The following FKBP8 variants were observed in gnomAD, a reference collection of about 807,000 sequenced individuals.
The protein encoded by FKBP8 is peptidyl-prolyl cis-trans isomerase FKBP8.
Under a neutral mutation model 41.7 loss-of-function variants are expected in FKBP8, and 5 were observed. The observed-to-expected ratio is 0.12, with a 90% CI of 0.06 to 0.25. The LOEUF (loss-of-function observed/expected upper bound fraction) is 0.25, where lower values mean the gene tolerates loss of function less well. FKBP8 is among the 10% of genes least tolerant of loss of function. The pLI is 1.00. For missense variants in FKBP8, 397 were observed against 563.0 expected, an observed-to-expected ratio of 0.71 and a Z score of 2.98; for synonymous variants, 279 against 254.5, an observed-to-expected ratio of 1.10 and a Z score of -0.92.
chr19:18,540,973 C>T (rs8103045), intron 2 of FKBP8, among the ~76,000 whole-genome samples: 26,838 of 151,746 alleles, frequency 0.18, 7,474 homozygotes, highest in African/African-American at 0.59. Flanking sequence ...ACTATTGCTA[C>T]AGTATTGTTA....
Position 18,542,003 on chromosome 19 carries a change from T to C in FKBP8, c.-25-8A>G. On this transcript the variant is annotated splice_region_variant and splice_polypyrimidine_tract_variant and intron_variant, in intron 1 of 8. Transcript: ENST00000608443. The stretch of plus-strand genomic sequence containing the variant: ...GGGGGACAGGAATTGGCCCTGGAAG[T>C]GGGGGGCAGAGATGTGGGTCAGAAT... 9.4e-6 allele frequency: 15 copies of C among 1,603,344 alleles called. No individual in the cohort carries two copies. The highest frequency in any genetic ancestry group is 1.3e-5 in the Non-Finnish European group (15 of 1,174,442).
chr19:18,534,727 G>A (rs1042824152), intron 6 of FKBP8, among the ~76,000 whole-genome samples: 4 of 149,002 alleles, frequency 2.7e-5, no homozygotes, highest in East Asian at 2.0e-4. Context: ...GACTACAGGC[G>A]TGTACTACCA....
Position 18,537,930 on chromosome 19 carries a change from C to T in FKBP8, c.773-157G>A. The T allele has an allele frequency of 1.2e-6, 1 of 814,614 alleles. No homozygotes were observed. The highest frequency in any genetic ancestry group is 1.8e-5 in the South Asian group (1 of 55,874). The allele number at this position is 814,614 out of a possible 1,614,324, so 50.5% of individuals were successfully genotyped here. A position where few individuals can be genotyped will look rare whatever the true frequency, so the allele number is the denominator to read the frequency against. Reference sequence around the variant, plus strand: ...TCCTGGGGCTCTCCTGAGGAAGCTACAAGATGGAGACTTAAGCAAGCGAGG... The same window carrying T: ...TCCTGGGGCTCTCCTGAGGAAGCTATAAGATGGAGACTTAAGCAAGCGAGG... On this transcript the variant is annotated intron_variant, in intron 5 of 8. Transcript: ENST00000608443. The surrounding 1 kb of genome is among the most constrained non-coding windows in gnomAD (Gnocchi z 4.4).
chr19:18,533,160 C>G, intron 7 of FKBP8, 110 bp downstream of exon 7: 1 of 1,062,070 alleles, frequency 9.4e-7, no homozygotes, highest in Non-Finnish European at 1.3e-6. Flanking sequence ...TACTCCGTGC[C>G]ACTGCCCAGG....
chr19:18,539,672 G>A lies in FKBP8; in HGVS notation c.341C>T (p.Ser114Leu), dbSNP rs756695076. Reference sequence around the variant, plus strand: ...CACCTGGCCCTTGACCGGGCGGCTCGAACCTGGCGGCCCTGGGACCAGCGT... The same window carrying A: ...CACCTGGCCCTTGACCGGGCGGCTCAAACCTGGCGGCCCTGGGACCAGCGT... ...KKTLVPGPPGSSRPVKGQVVT... is the reference protein window; with the variant it reads ...KKTLVPGPPGLSRPVKGQVVT... The change falls in exon 3 of 9, where the codon TCG becomes TTG. Residue 114 changes from serine (S) to leucine (L), a missense_variant. Physicochemically the swap from Ser to Leu is moderately radical, Grantham distance 145 (BLOSUM62 -2). Coordinates refer to ENST00000608443, the MANE Select transcript of FKBP8 (RefSeq NM_012181.5). 2.8e-5 allele frequency: 45 copies of A among 1,610,930 alleles called. No individual in the cohort carries two copies. Among genetic ancestry groups the A allele is most frequent in the Non-Finnish European group, 3.5e-5 (41 of 1,180,022 alleles).
intron 4 of FKBP8, among the ~76,000 whole-genome samples, chr19:18,539,032 C>T (rs1236077723): frequency 2.0e-5 from 3 of 151,664 alleles, no homozygotes; most frequent in Non-Finnish European, 4.4e-5. Context: ...GCCAGGATGG[C>T]CTTGATCTCC....
chr19:18,538,383 T>C lies in FKBP8; in HGVS notation c.605A>G (p.Lys202Arg). ...HAALCLEVTL[K>R]TAVDGPDLEM... Reference sequence around the variant, plus strand: ...CAGGTCAGGCCCGTCCACAGCCGTCTTCAGGGTCACCTCCAGGCACAGGGC... The same window carrying C: ...CAGGTCAGGCCCGTCCACAGCCGTCCTCAGGGTCACCTCCAGGCACAGGGC... The change falls in exon 5 of 9, where the codon AAG (lysine) becomes AGG (arginine). Residue 202 changes from lysine to arginine, a missense_variant. Lys to Arg is a conservative substitution (Grantham distance 26). Transcript: ENST00000608443. This position sits in a 1 kb window ranked among gnomAD's most constrained non-coding sequence, Gnocchi z 4.0. 1 of 1,613,590 alleles carries C rather than the reference T, an allele frequency of 6.2e-7. No homozygotes were observed. The highest frequency in any genetic ancestry group is 1.1e-5 in the South Asian group (1 of 91,062).
Position 18,541,944 on chromosome 19 carries a change from C to T in FKBP8, c.27G>A (p.Glu9=), listed in dbSNP as rs201298401. Reference sequence around the variant, plus strand: ...CCCCGGCGGGCAGTGGGGCAGAGGGCTCAGAGGGTTCAGCACACGATGCCA... The same window carrying T: ...CCCCGGCGGGCAGTGGGGCAGAGGGTTCAGAGGGTTCAGCACACGATGCCA... MASCAEPS[E]PSAPLPAGVP... The change falls in exon 2 of 9, where the codon GAG becomes GAA. Residue 9 remains glutamate, a synonymous_variant. Transcript: ENST00000608443. 357 of 1,614,020 alleles carry T rather than the reference C, an allele frequency of 2.2e-4. 6 individuals are homozygous for T. The Admixed American group carries it at 5.9e-3, about 27-fold the overall frequency.
At position 18,533,182 on chromosome 19, in the gene FKBP8, CAG is replaced by C; in HGVS notation, c.1023+86_1023+87del. 12 of 1,293,592 alleles carry C rather than the reference CAG, an allele frequency of 9.3e-6. No individual in the cohort carries two copies. In the South Asian group the frequency reaches 1.8e-4, roughly 19 times the overall value. The allele number at this position is 1,293,592 out of a possible 1,614,324, so 80.1% of individuals were successfully genotyped here. A position where few individuals can be genotyped will look rare whatever the true frequency, so the allele number is the denominator to read the frequency against. The stretch of plus-strand genomic sequence containing the variant: ...TGCCACTGCCCAGGTGGGAACACAA[CAG>C]AGAGCCACAGCAAGAAAGACCTGGG... On this transcript the variant is annotated intron_variant, in intron 7 of 8. Coordinates refer to ENST00000608443, the MANE Select transcript of FKBP8 (RefSeq NM_012181.5).
At chr19:18,535,064 C>T (rs528379139) in intron 6 of FKBP8, among the ~76,000 whole-genome samples, 2 of 152,266 alleles carry the variant, frequency 1.3e-5, no homozygotes, top group African/African-American at 4.8e-5. Flanking sequence ...GTATTACAGG[C>T]ATGAGCCACC....
At chr19:18,539,877 G>A (rs1415091105) in intron 2 of FKBP8, among the ~76,000 whole-genome samples, 157 bp from the exon 3 acceptor site, 2 of 152,218 alleles carry the variant, frequency 1.3e-5, no homozygotes, top group African/African-American at 4.8e-5. Flanking sequence ...TGGCCACTCT[G>A]CCACCAGAGT....
chr19:18,539,484 T>A (rs1159220364), intron 3 of FKBP8, 25 bp from the exon 4 acceptor site: 1 of 1,612,448 alleles, frequency 6.2e-7, no homozygotes, highest in Non-Finnish European at 8.5e-7. Context: ...GATAGCCAGC[T>A]GTCAGGCAGA....
At chr19:18,533,202 G>T (rs1351428165) in intron 7 of FKBP8, 68 bp downstream of exon 7, 2 of 1,401,046 alleles carry the variant, frequency 1.4e-6, no homozygotes, top group African/African-American at 1.4e-5. Flanking sequence ...CAGCAAGAAA[G>T]ACCTGGGGCA....
chr19:18,541,663 C>T lies in FKBP8; in HGVS notation c.292+16G>A. 6.3e-7 allele frequency: 1 copy of T among 1,584,324 alleles called. No homozygotes were observed. Among genetic ancestry groups the T allele is most frequent in the Non-Finnish European group, 8.6e-7 (1 of 1,161,614 alleles). Reference sequence around the variant, plus strand: ...GGCCAGGGCCAAGGGCACCCTGATCCACCTTTGCTCCTTACCCAGAATGTC... The same window carrying T: ...GGCCAGGGCCAAGGGCACCCTGATCTACCTTTGCTCCTTACCCAGAATGTC... On this transcript the variant is annotated intron_variant, in intron 2 of 8. Transcript: ENST00000608443.
chr19:18,542,535 T>C (rs1976729031), intron 1 of FKBP8: 1 of 187,294 alleles, frequency 5.3e-6, no homozygotes, highest in African/African-American at 2.4e-5. Flanking sequence ...CTCCAGCCTC[T>C]TCTCCAAAGG....
In FKBP8 at chr19:18,537,494, A is replaced by G. The variant is rs898494050; in HGVS notation, c.945+107T>C. ...CTCAGTTTCTCCACCTGCACCCCAC[A>G]GAGCTCAGCTGGCTTATATACCTAT... On this transcript the variant is annotated intron_variant, in intron 6 of 8. Coordinates refer to ENST00000608443, the MANE Select transcript of FKBP8 (RefSeq NM_012181.5). The surrounding 1 kb of genome is among the most constrained non-coding windows in gnomAD (Gnocchi z 4.4). The G allele has an allele frequency of 5.5e-6, 6 of 1,084,914 alleles. No homozygotes were observed. The highest frequency in any genetic ancestry group is 7.6e-6 in the Non-Finnish European group (6 of 793,530). 67.2% of individuals were successfully genotyped at this position (1,084,914 alleles called of 1,614,324 possible).
Position 18,541,853 on chromosome 19 carries a change from C to T in FKBP8, c.118G>A (p.Glu40Lys). 11 of 1,613,586 alleles carry T rather than the reference C, an allele frequency of 6.8e-6. No individual in the cohort carries two copies. Among genetic ancestry groups the T allele is most frequent in the Non-Finnish European group, 9.3e-6 (11 of 1,179,760 alleles). Residue 40 changes from glutamate to lysine, a missense_variant, in exon 2 of 9, where the codon GAG becomes AAG. Transcript: ENST00000608443. ...TCATCCTCTTCCTCCTCTTCCTCCT[C>T]CTCTTCCTCCTCACCCTCTGCATCC... ...VEDAEGEEEEEEEEEEEDDLS... is the reference protein window; with the variant it reads ...VEDAEGEEEEKEEEEEEDDLS...
chr19:18,539,688 G>T lies in FKBP8; in HGVS notation c.325C>A (p.Pro109Thr). 1 of 1,609,940 alleles carries T rather than the reference G, an allele frequency of 6.2e-7. No individual in the cohort carries two copies. ...NGLLRKKTLV[P>T]GPPGSSRPVK... The stretch of plus-strand genomic sequence containing the variant: ...GGGCGGCTCGAACCTGGCGGCCCTG[G>T]GACCAGCGTCTTCTTCCTCAACAGC... The change falls in exon 3 of 9, where the codon CCA (proline) becomes ACA (threonine). Residue 109 changes from proline (P) to threonine (T), a missense_variant. This residue lies in a region of FKBP8 where 172 missense variants were observed against 196.2 expected (regional missense o/e 0.88). Transcript: ENST00000608443.
intron 6 of FKBP8, among the ~76,000 whole-genome samples, chr19:18,535,817 G>A (rs192788610): frequency 4.2e-4 from 64 of 151,964 alleles, no homozygotes; most frequent in Non-Finnish European, 7.8e-4. Context: ...GAGAGGAGCC[G>A]GCCCAGGAGG....
Sources: gnomAD v4.1 joint callset for allele counts (sites outside exome capture counted in the v4.1 genomes callset) on GRCh38, gnomAD v4.1.1 for gene constraint, gnomAD v4.1.1 regional missense constraint, Gnocchi (gnomAD v3.1) non-coding constraint, MANE v1.5 for transcripts, NCBI Gene and HGNC (gene_info 2026-07-23, HGNC 2026-07-21) for gene names.